Variants in ARHGAP18 observed in about 807,000 individuals in gnomAD.
ARHGAP18 encodes Rho GTPase activating protein 18.
A neutral mutation model predicts 86.2 loss-of-function variants in ARHGAP18; 67 were observed. That is an observed-to-expected ratio of 0.78 (90% confidence interval 0.64 to 0.95). The LOEUF is 0.95. Among genes scored for constraint, ARHGAP18 ranks in the 40% least tolerant of loss-of-function variants. The pLI is 0.00. For synonymous variants in ARHGAP18, 283 were observed against 280.4 expected, an observed-to-expected ratio of 1.01 and a Z score of -0.09; for missense variants, 691 against 780.4, an observed-to-expected ratio of 0.89 and a Z score of 1.37.
intron 4 of ARHGAP18, among the ~76,000 whole-genome samples, chr6:129,629,773 C>A (rs1584068457): frequency 6.6e-6 from 1 of 152,134 alleles, no homozygotes; most frequent in South Asian, 2.1e-4. Context: ...AATCCTCAAA[C>A]TGGGTTCCAA....
intron 1 of ARHGAP18, among the ~76,000 whole-genome samples, chr6:129,698,644 C>T (rs1774660397): frequency 6.6e-6 from 1 of 151,026 alleles, no homozygotes; most frequent in Non-Finnish European, 1.5e-5. Context: ...AGGGTTCAAG[C>T]CATTCTCCTG....
chr6:129,605,798 C>G lies in ARHGAP18; in HGVS notation c.1365+79G>C. 3.1e-6 allele frequency: 4 copies of G among 1,299,450 alleles called. No individual in the cohort carries two copies. The South Asian group carries it at 4.8e-5, about 16-fold the overall frequency. 80.5% of individuals were successfully genotyped at this position (1,299,450 alleles called of 1,614,324 possible). ...TTATGACCATGTCCAAGATACACAT[C>G]TTATTGTTTTGCCACAAATAATGAA... On this transcript the variant is annotated intron_variant, in intron 10 of 14. Transcript: ENST00000368149.
At chr6:129,668,258 T>A (rs542022227) in intron 1 of ARHGAP18, among the ~76,000 whole-genome samples, 1 of 152,190 alleles carries the variant, frequency 6.6e-6, no homozygotes, top group East Asian at 1.9e-4. Context: ...TTATTTCAGA[T>A]GACCTTTTTC....
chr6:129,653,196 CACAG>C (rs1278233654), intron 1 of ARHGAP18, among the ~76,000 whole-genome samples: 12 of 152,042 alleles, frequency 7.9e-5, no homozygotes, highest in East Asian at 1.9e-4. Flanking sequence ...AAAGAAAAAA[CACAG>C]ACAAACACTG....
chr6:129,690,255 C>T (rs906531569), intron 1 of ARHGAP18, among the ~76,000 whole-genome samples: 4 of 151,922 alleles, frequency 2.6e-5, no homozygotes, highest in Admixed American at 2.0e-4. Context: ...AAAGTGTAAC[C>T]GTTCACAAAA....
intron 12 of ARHGAP18, among the ~76,000 whole-genome samples, chr6:129,595,536 C>A (rs1788600855): frequency 1.3e-5 from 2 of 152,140 alleles, no homozygotes; most frequent in African/African-American, 4.8e-5. Context: ...AAGAACTCTA[C>A]CAATTTATAT....
At chr6:129,709,967 T>C in intron 1 of ARHGAP18, 57 bp downstream of exon 1, 1 of 1,424,826 alleles carries the variant, frequency 7.0e-7, no homozygotes, top group African/African-American at 1.4e-5. Flanking sequence ...TCCCTGTCAC[T>C]TTCTTCCTGG....
intron 1 of ARHGAP18, among the ~76,000 whole-genome samples, chr6:129,702,537 G>C (rs1774732482): frequency 6.6e-6 from 1 of 152,188 alleles, no homozygotes; most frequent in South Asian, 2.1e-4. Context: ...CTACAGCAGG[G>C]TTCAGGAGAG....
At position 129,578,473 on chromosome 6, in the gene ARHGAP18, G is replaced by T; in HGVS notation, c.*40C>A. ...ACACTCTTGACTCAGCAAGAATTAT[G>T]ACAGAAGTCCACATGGTTATCTGCA... is the stretch of plus-strand genomic sequence containing the variant. On this transcript the variant is annotated 3_prime_UTR_variant, in exon 15 of 15. Transcript: ENST00000368149. 6.6e-7 allele frequency: 1 copy of T among 1,509,994 alleles called. No individual in the cohort carries two copies. The highest frequency in any genetic ancestry group is 1.2e-5 in the South Asian group (1 of 86,288). The allele number at this position is 1,509,994 out of a possible 1,614,324, so 93.5% of individuals were successfully genotyped here.
At chr6:129,692,993 A>G (rs1584117813) in intron 1 of ARHGAP18, among the ~76,000 whole-genome samples, 1 of 152,192 alleles carries the variant, frequency 6.6e-6, no homozygotes, top group South Asian at 2.1e-4. Context: ...CTTTTGAACC[A>G]CCAAATAGGT....
intron 7 of ARHGAP18, among the ~76,000 whole-genome samples, chr6:129,613,016 A>G (rs993899978): frequency 1.1e-4 from 17 of 151,958 alleles, no homozygotes; most frequent in Admixed American, 1.3e-4. Flanking sequence ...GGCGGATCAC[A>G]AGGTCAGGAG....
Position 129,578,558 on chromosome 6 carries a change from C to T in ARHGAP18, c.1947G>A (p.Gln649=). 1 of 1,612,406 alleles carries T rather than the reference C, an allele frequency of 6.2e-7. No homozygotes were observed. Among genetic ancestry groups the T allele is most frequent in the African/African-American group, 1.3e-5 (1 of 74,966 alleles). The change falls in exon 15 of 15, where the codon CAG becomes CAA. Residue 649 remains glutamine, a synonymous_variant. Coordinates refer to ENST00000368149, the MANE Select transcript of ARHGAP18 (RefSeq NM_033515.3). ...TAACCCACTCAGCATTTGGGTTAAG[C>T]TGATATAAATCCTTCATGTAAGTGT... ...DDDTYMKDLY[Q]LNPNAEWVIK... is the part of the protein sequence containing the mutation.
At chr6:129,692,592 G>A (rs541082803) in intron 1 of ARHGAP18, among the ~76,000 whole-genome samples, 10 of 152,234 alleles carry the variant, frequency 6.6e-5, no homozygotes, top group Non-Finnish European at 1.2e-4. Flanking sequence ...TGGCATCCTA[G>A]GAAAGCAGCA....
chr6:129,703,991 A>C (rs1050967833), intron 1 of ARHGAP18, among the ~76,000 whole-genome samples: 2 of 53,594 alleles, frequency 3.7e-5, no homozygotes, highest in African/African-American at 5.6e-5. Flanking sequence ...TATATATATG[A>C]TCAGGTAATA....
In ARHGAP18 at chr6:129,600,715, C is replaced by T. The variant is rs548655885; in HGVS notation, c.1499G>A (p.Arg500Gln). 19 of 1,613,730 alleles carry T rather than the reference C, an allele frequency of 1.2e-5. No individual in the cohort carries two copies. Among genetic ancestry groups the T allele is most frequent in the Admixed American group, 5.0e-5 (3 of 59,932 alleles). Residue 500 changes from arginine to glutamine, a missense_variant, in exon 11 of 15, where the codon CGA (arginine) becomes CAA (glutamine). Transcript: ENST00000368149. Reference sequence around the variant, plus strand: ...TGTCCCAGCTGCCATTACAAATTCTCGCTGTTCACTGGACTTCAATCCCAA... The same window carrying T: ...TGTCCCAGCTGCCATTACAAATTCTTGCTGTTCACTGGACTTCAATCCCAA... ...HALGLKSSEQ[R>Q]EFVMAAGTAN...
intron 6 of ARHGAP18, among the ~76,000 whole-genome samples, chr6:129,617,007 G>A (rs1411984972): frequency 6.6e-6 from 1 of 152,068 alleles, no homozygotes; most frequent in African/African-American, 2.4e-5. Flanking sequence ...AATAGACATT[G>A]AACACTTTAC....
chr6:129,649,875 T>C (rs1226742068), intron 1 of ARHGAP18, among the ~76,000 whole-genome samples: 2 of 151,574 alleles, frequency 1.3e-5, no homozygotes, highest in African/African-American at 4.8e-5. Context: ...TTGTTATTTA[T>C]CGTTGCGGCT....
chr6:129,625,314 GTAATATATATGATATATGATATATATT>G, intron 5 of ARHGAP18, among the ~76,000 whole-genome samples: 1 of 47,410 alleles, frequency 2.1e-5, no homozygotes, highest in Non-Finnish European at 3.6e-5. Context: ...ATATTTATAT[GTAATATATATGATATATGATATATATT>G]TATATGTAAT....
chr6:129,642,065 C>G (rs1234941610), intron 1 of ARHGAP18, 47 bp from the exon 2 acceptor site: 19 of 1,559,528 alleles, frequency 1.2e-5, no homozygotes, highest in Admixed American at 1.7e-5. Context: ...CAAAAGGAAG[C>G]AGTATAATTT....
Sources: allele counts gnomAD v4.1 joint callset (sites outside exome capture counted in the v4.1 genomes callset), GRCh38; gene constraint gnomAD v4.1.1; transcripts MANE v1.5; gene names NCBI Gene and HGNC (gene_info 2026-07-23, HGNC 2026-07-21).